GRID1: variants seen among roughly 807,000 people sequenced by gnomAD.
GRID1 encodes the protein glutamate ionotropic receptor delta type subunit 1.
In GRID1, 28 loss-of-function variants were observed where a neutral mutation model predicts 98.0. The ratio of observed to expected loss-of-function variants is 0.29; its 90% CI spans 0.21 to 0.39. The LOEUF (loss-of-function observed/expected upper bound fraction) is 0.39. GRID1 is among the 10% of genes least tolerant of loss of function. GRID1 has a pLI of 1.00. For synonymous variants in GRID1, 553 were observed against 538.5 expected (o/e 1.03, Z -0.37); for missense variants, 1,111 against 1,340.5 (o/e 0.83, Z 2.67).
intron 5 of GRID1, among the ~76,000 whole-genome samples, chr10:85,870,149 C>G (rs1184965848): frequency 6.6e-6 from 1 of 152,190 alleles, no homozygotes; most frequent in African/African-American, 2.4e-5. Context: ...TCTCAGTGGG[C>G]AACATCTAAT....
intron 5 of GRID1, among the ~76,000 whole-genome samples, chr10:85,912,573 T>C (rs1338497385): frequency 1.3e-5 from 2 of 152,164 alleles, no homozygotes; most frequent in Non-Finnish European, 2.9e-5. Context: ...AGGCAGAGCC[T>C]GTAAGGAATG....
At chr10:85,619,542 C>A (rs950652735) in intron 14 of GRID1, among the ~76,000 whole-genome samples, 1 of 152,152 alleles carries the variant, frequency 6.6e-6, no homozygotes, top group South Asian at 2.1e-4. Context: ...TCCCAGATAT[C>A]CTGGGTCTGG....
chr10:86,082,631 G>A (rs1445122700), intron 4 of GRID1, among the ~76,000 whole-genome samples: 2 of 152,118 alleles, frequency 1.3e-5, no homozygotes, highest in Non-Finnish European at 2.9e-5. Flanking sequence ...TTCTGGAGGT[G>A]CCCCGTTTCC....
intron 2 of GRID1, among the ~76,000 whole-genome samples, chr10:86,278,219 C>G (rs1027071869): frequency 6.6e-6 from 1 of 151,906 alleles, no homozygotes; most frequent in South Asian, 2.1e-4. Flanking sequence ...AAAAGATATT[C>G]CAGACAAATC....
At chr10:85,861,872 C>T (rs1294901315) in intron 6 of GRID1, among the ~76,000 whole-genome samples, 1 of 152,198 alleles carries the variant, frequency 6.6e-6, no homozygotes, top group Non-Finnish European at 1.5e-5. Context: ...ATGGTCACCT[C>T]CCATTTTGGG....
At chr10:85,973,769 AG>A (rs1420030468) in intron 4 of GRID1, among the ~76,000 whole-genome samples, 2 of 152,242 alleles carry the variant, frequency 1.3e-5, no homozygotes, top group African/African-American at 4.8e-5. Context: ...AGACTACAGC[AG>A]GGAATATATT....
chr10:85,837,035 T>A (rs773369854), intron 8 of GRID1, among the ~76,000 whole-genome samples: 3 of 152,092 alleles, frequency 2.0e-5, no homozygotes, highest in Non-Finnish European at 4.4e-5. Context: ...TCTGCACAGG[T>A]GGGTTTTGCT....
intron 2 of GRID1, among the ~76,000 whole-genome samples, chr10:86,245,319 T>C (rs1409818963): frequency 6.6e-6 from 1 of 152,222 alleles, no homozygotes; most frequent in Non-Finnish European, 1.5e-5. Context: ...AAACTGCCCA[T>C]GCTGGGGCTC....
chr10:86,174,034 C>T (rs181909637), intron 3 of GRID1, among the ~76,000 whole-genome samples: 213 of 152,200 alleles, frequency 1.4e-3, no homozygotes, highest in African/African-American at 4.6e-3. Flanking sequence ...CCACAATAGA[C>T]ATACGTGTGC....
intron 8 of GRID1, among the ~76,000 whole-genome samples, chr10:85,732,442 G>C (rs921763831): frequency 4.6e-5 from 7 of 152,138 alleles, no homozygotes; most frequent in Non-Finnish European, 1.0e-4. Flanking sequence ...ATGAGTGTTT[G>C]GAATGGAGCT....
intron 2 of GRID1, among the ~76,000 whole-genome samples, chr10:86,294,082 T>A (rs778333546): frequency 6.6e-6 from 1 of 152,090 alleles, no homozygotes; most frequent in African/African-American, 2.4e-5. Flanking sequence ...GAGAGCCTAG[T>A]GTAGAAGCTG....
At chr10:85,719,084 C>T (rs1841671742) in intron 12 of GRID1, among the ~76,000 whole-genome samples, 1 of 152,224 alleles carries the variant, frequency 6.6e-6, no homozygotes, top group African/African-American at 2.4e-5. Context: ...GGGCGAAATG[C>T]CGCTAGTCTC....
At chr10:85,717,238 T>C in intron 12 of GRID1, among the ~76,000 whole-genome samples, 1 of 152,168 alleles carries the variant, frequency 6.6e-6, no homozygotes. Flanking sequence ...AACAGTCTTT[T>C]CAACAAATAG....
intron 8 of GRID1, among the ~76,000 whole-genome samples, chr10:85,774,909 T>A (rs1205290246): frequency 2.0e-5 from 3 of 151,402 alleles, no homozygotes; most frequent in African/African-American, 7.3e-5. Context: ...ATTGTGGAAG[T>A]CAGTGTGGCG....
intron 2 of GRID1, among the ~76,000 whole-genome samples, chr10:86,358,029 A>G (rs1480810620): frequency 6.6e-6 from 1 of 152,148 alleles, no homozygotes; most frequent in Non-Finnish European, 1.5e-5. Context: ...CAGTCTGACT[A>G]TTCGAACAGC....
intron 8 of GRID1, among the ~76,000 whole-genome samples, chr10:85,844,264 G>A (rs1051958758): frequency 3.3e-5 from 5 of 151,964 alleles, no homozygotes; most frequent in Non-Finnish European, 5.9e-5. Context: ...GTTATCAGGA[G>A]GTAGGAACAA....
intron 4 of GRID1, among the ~76,000 whole-genome samples, chr10:86,138,356 T>G (rs1844959620): frequency 6.6e-6 from 1 of 152,094 alleles, no homozygotes; most frequent in African/African-American, 2.4e-5. Flanking sequence ...GCCAAAAAAA[T>G]AAGAACATCT....
chr10:85,681,483 TTGTC>T (rs1467091523), intron 12 of GRID1, among the ~76,000 whole-genome samples: 4 of 152,138 alleles, frequency 2.6e-5, no homozygotes, highest in African/African-American at 7.2e-5. Context: ...GCTCAGACCT[TTGTC>T]TGACAGTCTC....
chr10:85,912,756 G>T (rs1841558086), intron 5 of GRID1, among the ~76,000 whole-genome samples: 1 of 152,190 alleles, frequency 6.6e-6, no homozygotes. Flanking sequence ...CTGAATTCTG[G>T]AGCATGTTGG....
Sources: gnomAD v4.1 joint callset for allele counts (sites outside exome capture counted in the v4.1 genomes callset) on GRCh38, gnomAD v4.1.1 for gene constraint, MANE v1.5 for transcripts, NCBI Gene and HGNC (gene_info 2026-07-23, HGNC 2026-07-21) for gene names.